TMEM212: variants seen among roughly 807,000 people sequenced by gnomAD.
The protein encoded by TMEM212 is transmembrane protein 212.
Under a neutral mutation model 20.5 loss-of-function variants are expected in TMEM212, and 23 were observed. That is an observed-to-expected ratio of 1.12 (90% CI 0.81 to 1.59). TMEM212 has a LOEUF of 1.59. Among genes scored for constraint, TMEM212 ranks in the 40% most tolerant of loss-of-function variants. TMEM212 has a pLI of 0.00. For synonymous variants in TMEM212, 76 were observed against 81.6 expected, an observed-to-expected ratio of 0.93 and a Z score of 0.37; for missense variants, 211 against 215.0, an observed-to-expected ratio of 0.98 and a Z score of 0.12.
chr3:171,854,547 ATGT>A (rs1725067037), intron 3 of TMEM212, among the ~76,000 whole-genome samples: 1 of 152,260 alleles, frequency 6.6e-6, no homozygotes, highest in South Asian at 2.1e-4. Context: ...AGGAGAATTA[ATGT>A]TGTTAAAATG....
In TMEM212 at chr3:171,848,579, G is replaced by GAATA. The variant is rs1314448327; in HGVS notation, c.160-3403_160-3402insAATA. ...TAAATGCATAGAATAGAATAGAATA[G>GAATA]GATAGAATAGAATAGAATAGAATAG... On this transcript the variant is annotated intron_variant, in intron 1 of 4. Transcript: ENST00000334567. Among the ~76,000 whole-genome samples, 973 of 151,464 alleles carry GAATA rather than the reference G, an allele frequency of 6.4e-3. 12 individuals carry two copies. The highest frequency in any genetic ancestry group is 0.022 in the African/African-American group (916 of 41,078).
intron 1 of TMEM212, among the ~76,000 whole-genome samples, chr3:171,848,628 A>AGAGTGGAGTG (rs1010079313): frequency 1.3e-5 from 2 of 152,272 alleles, no homozygotes; most frequent in South Asian, 2.1e-4. Context: ...AGAACAGAGT[A>AGAGTGGAGTG]GAGTGGAGTG....
intron 1 of TMEM212, among the ~76,000 whole-genome samples, chr3:171,847,844 G>C (rs188906356): frequency 2.9e-4 from 44 of 152,166 alleles, no homozygotes; most frequent in Non-Finnish European, 5.0e-4. Flanking sequence ...TTGAGACTAG[G>C]GGGGGTTCTT....
intron 4 of TMEM212, chr3:171,857,024 C>T (rs1725135239): frequency 5.2e-6 from 1 of 192,116 alleles, no homozygotes; most frequent in South Asian, 1.9e-4. Context: ...TTAGTCACTG[C>T]ATAGCCCTTT....
intron 1 of TMEM212, among the ~76,000 whole-genome samples, chr3:171,844,682 G>A (rs755117843): frequency 9.2e-5 from 14 of 152,090 alleles, no homozygotes; most frequent in Non-Finnish European, 1.8e-4. Context: ...CTCCAGCCTG[G>A]GTGACAGAGC....
chr3:171,850,672 T>C (rs1018493264), intron 1 of TMEM212, among the ~76,000 whole-genome samples: 2 of 152,222 alleles, frequency 1.3e-5, no homozygotes, highest in Non-Finnish European at 2.9e-5. Context: ...GTACTATTTA[T>C]GCTGGCTCAC....
At chr3:171,855,409 TCAAAAC>T (rs1725090881) in intron 3 of TMEM212, among the ~76,000 whole-genome samples, 2 of 152,046 alleles carry the variant, frequency 1.3e-5, no homozygotes, top group Admixed American at 1.3e-4. Context: ...GGTCAGGAGT[TCAAAAC>T]CAGCCTGGCC....
intron 4 of TMEM212, chr3:171,856,994 G>A (rs1725134447): frequency 8.5e-6 from 2 of 233,992 alleles, no homozygotes; most frequent in African/African-American, 4.5e-5. Context: ...GGTAGTACCT[G>A]GAGTGCTAGT....
At chr3:171,843,658 C>T in intron 1 of TMEM212, 116 bp downstream of exon 1, 1 of 854,966 alleles carries the variant, frequency 1.2e-6, no homozygotes, top group Non-Finnish European at 1.6e-6. Context: ...GTCAAAATTC[C>T]ACAAAAAATC....
chr3:171,846,128 C>T (rs1020868402), intron 1 of TMEM212, among the ~76,000 whole-genome samples: 3 of 152,164 alleles, frequency 2.0e-5, no homozygotes, highest in African/African-American at 7.2e-5. Context: ...CACATTGGCT[C>T]CTTGCAGTTT....
chr3:171,845,795 TA>T (rs1427774255), intron 1 of TMEM212, among the ~76,000 whole-genome samples: 1 of 152,184 alleles, frequency 6.6e-6, no homozygotes, highest in African/African-American at 2.4e-5. Context: ...TCATTCCCTT[TA>T]TCTGTAAAAT....
At position 171,853,997 on chromosome 3, in the gene TMEM212, C is replaced by T. The variant is rs149632564; in HGVS notation, c.543+147C>T. The T allele has an allele frequency of 3.3e-5, 21 of 641,628 alleles. No homozygotes were observed. The Admixed American group carries it at 5.5e-4, about 17-fold the overall frequency. The allele number at this position is 641,628 out of a possible 1,614,324, so 39.7% of individuals were successfully genotyped here. ...ATCCAGGTCTGGCACATAATAGGTA[C>T]TGAATAATTGTTTTTGAATTAATAA... is the stretch of plus-strand genomic sequence containing the variant. On this transcript the variant is annotated intron_variant, in intron 3 of 4. Transcript: ENST00000334567.
rs1725037978 is a variant in TMEM212, at chr3:171,853,555, T to G, written c.248T>G (p.Leu83Arg). 2 of 1,536,934 alleles carry G rather than the reference T, an allele frequency of 1.3e-6. No individual in the cohort carries two copies. The highest frequency in any genetic ancestry group is 3.9e-5 in the Admixed American group (2 of 50,972). The change falls in exon 3 of 5, where the codon CTG (leucine) becomes CGG (arginine). Residue 83 changes from leucine (L) to arginine (R), a missense_variant. Transcript: ENST00000334567. ...LGEATFTFVILSIMGCPLHFA... is the reference protein window; with the variant it reads ...LGEATFTFVIRSIMGCPLHFA... Reference sequence around the variant, plus strand: ...GAAGCTACTTTCACCTTTGTGATTCTGAGCATTATGGGATGTCCACTTCAT... The same window carrying G: ...GAAGCTACTTTCACCTTTGTGATTCGGAGCATTATGGGATGTCCACTTCAT...
At chr3:171,849,405 C>A (rs750112259) in intron 1 of TMEM212, among the ~76,000 whole-genome samples, 15 of 152,166 alleles carry the variant, frequency 9.9e-5, no homozygotes, top group Non-Finnish European at 2.1e-4. Flanking sequence ...CAGTCAGAAC[C>A]ACTATTTGTA....
In TMEM212 at chr3:171,858,647, G is replaced by A. The variant is rs903377030; in HGVS notation, c.*590G>A. ...AGAGTGAACAGGCAACCTACAGAAC[G>A]GGAGAAAATTTTTTCAATCTACCCA... On this transcript the variant is annotated 3_prime_UTR_variant, in exon 5 of 5. Transcript: ENST00000334567. The A allele has an allele frequency of 1.3e-5, 2 of 151,432 alleles. No homozygotes were observed. Among genetic ancestry groups the A allele is most frequent in the African/African-American group, 2.4e-5 (1 of 40,832 alleles). 9.4% of individuals were successfully genotyped at this position (151,432 alleles called of 1,614,324 possible).
chr3:171,851,848 A>T, intron 1 of TMEM212, 134 bp from the exon 2 acceptor site: 1 of 763,776 alleles, frequency 1.3e-6, no homozygotes, highest in Non-Finnish European at 2.2e-6. Flanking sequence ...GGAGGAAATC[A>T]GAGCCATAAA....
chr3:171,850,254 G>T (rs1724946460), intron 1 of TMEM212, among the ~76,000 whole-genome samples: 1 of 152,164 alleles, frequency 6.6e-6, no homozygotes, highest in South Asian at 2.1e-4. Context: ...AATTTGCAGG[G>T]TGGATTTAAC....
chr3:171,850,168 TA>T (rs1724940855), intron 1 of TMEM212, among the ~76,000 whole-genome samples: 1 of 152,092 alleles, frequency 6.6e-6, no homozygotes, highest in Non-Finnish European at 1.5e-5. Flanking sequence ...TTGGGGAAAA[TA>T]GCCCTATTCT....
Position 171,853,514 on chromosome 3 carries a change from G to A in TMEM212, c.220-13G>A. 1.3e-6 allele frequency: 2 copies of A among 1,523,348 alleles called. No homozygotes were observed. Among genetic ancestry groups the A allele is most frequent in the Non-Finnish European group, 1.8e-6 (2 of 1,140,302 alleles). 94.4% of individuals were successfully genotyped at this position (1,523,348 alleles called of 1,614,324 possible). ...GTTCCCAAAGTAACAATTTATTTTT[G>A]CTTTATTTTCAGGGGGAAGCTACTT... On this transcript the variant is annotated splice_polypyrimidine_tract_variant and intron_variant, in intron 2 of 4. Coordinates refer to ENST00000334567, the MANE Select transcript of TMEM212 (RefSeq NM_001164436.2).
Sources: allele counts gnomAD v4.1 joint callset (sites outside exome capture counted in the v4.1 genomes callset), GRCh38; gene constraint gnomAD v4.1.1; transcripts MANE v1.5; gene names NCBI Gene and HGNC (gene_info 2026-07-23, HGNC 2026-07-21).